Variants in SDSL observed in about 807,000 individuals in gnomAD.
SDSL encodes the protein serine dehydratase like.
Under a neutral mutation model 27.6 loss-of-function variants are expected in SDSL, and 26 were observed. That is an observed-to-expected ratio of 0.94 (90% CI 0.69 to 1.31). The LOEUF (loss-of-function observed/expected upper bound fraction) is 1.31. Ranked by LOEUF, SDSL falls within the 50% of genes most tolerant of loss-of-function variation. SDSL has a pLI of 0.00. For missense variants in SDSL, 431 were observed against 423.5 expected (o/e 1.02, Z -0.16); for synonymous variants, 196 against 180.6 (o/e 1.09, Z -0.69).
At chr12:113,432,256 CTTTCTTTCT>C (rs1225617843) in intron 4 of SDSL, among the ~76,000 whole-genome samples, 3 of 140,542 alleles carry the variant, frequency 2.1e-5, no homozygotes, top group African/African-American at 8.3e-5. Context: ...TTCTTTCTTT[CTTTCTTTCT>C]TTCTTTCTTT....
Position 113,434,126 on chromosome 12 carries a change from C to A in SDSL, c.355-8C>A, listed in dbSNP as rs1273353752. 3.1e-6 allele frequency: 5 copies of A among 1,612,210 alleles called. No individual in the cohort carries two copies. The highest frequency in any genetic ancestry group is 4.2e-6 in the Non-Finnish European group (5 of 1,179,020). On this transcript the variant is annotated splice_region_variant and splice_polypyrimidine_tract_variant and intron_variant, in intron 4 of 7. Coordinates refer to ENST00000403593, the MANE Select transcript of SDSL (RefSeq NM_001304993.2). Reference sequence around the variant, plus strand: ...CGGCTGTTCTGAGGGCCCTTGGTTTCTCTGTAGGTCTGGGACGAGGCCAAT... The same window carrying A: ...CGGCTGTTCTGAGGGCCCTTGGTTTATCTGTAGGTCTGGGACGAGGCCAAT...
chr12:113,437,822 C>T, intron 7 of SDSL, 64 bp from the exon 8 acceptor site: 1 of 1,422,100 alleles, frequency 7.0e-7, no homozygotes, highest in Admixed American at 2.2e-5. Context: ...GTGCCCAGGG[C>T]CTGCTGAGCA....
intron 6 of SDSL, 129 bp downstream of exon 6, chr12:113,435,685 C>T (rs1957982962): frequency 5.9e-6 from 4 of 682,796 alleles, no homozygotes; most frequent in South Asian, 4.2e-5. Context: ...ACTCCAACCA[C>T]AGTAAAGTGG....
Position 113,428,066 on chromosome 12 carries a change from G to C in SDSL, c.84G>C (p.Gln28His). The C allele has an allele frequency of 6.2e-7, 1 of 1,614,020 alleles. No individual in the cohort carries two copies. The highest frequency in any genetic ancestry group is 8.5e-7 in the Non-Finnish European group (1 of 1,179,988). ...TPLLESWALS[Q>H]VAGMPVFLKC... is the part of the protein sequence containing the mutation. ...TGTTGGAGAGCTGGGCGCTGTCCCA[G>C]GTGGCGGGCATGCCTGTCTTCCTCA... Residue 28 changes from glutamine to histidine, a missense_variant, in exon 2 of 8, where the codon CAG becomes CAC. Coordinates refer to ENST00000403593, the MANE Select transcript of SDSL (RefSeq NM_001304993.2).
Position 113,438,192 on chromosome 12 carries a change from G to A in SDSL, c.*113G>A. 1.1e-6 allele frequency: 1 copy of A among 931,448 alleles called. No individual in the cohort carries two copies. The highest frequency in any genetic ancestry group is 1.6e-6 in the Non-Finnish European group (1 of 623,246). 57.7% of individuals were successfully genotyped at this position (931,448 alleles called of 1,614,324 possible). A position where few individuals can be genotyped will look rare whatever the true frequency, so the allele number is the denominator to read the frequency against. ...AGTGGAAGCTGCCCTGTGCAACTGT[G>A]CTGGCTGCCTCCTGAAGGAAGCCCT... On this transcript the variant is annotated 3_prime_UTR_variant, in exon 8 of 8. Coordinates refer to ENST00000403593, the MANE Select transcript of SDSL (RefSeq NM_001304993.2).
chr12:113,425,817 G>C (rs1047809757), intron 1 of SDSL: 2 of 427,658 alleles, frequency 4.7e-6, no homozygotes, highest in Admixed American at 5.7e-5. Flanking sequence ...GTGAAACCCC[G>C]TCTCTACAAA....
At chr12:113,431,613 G>A (rs143240175) in intron 4 of SDSL, among the ~76,000 whole-genome samples, 1,705 of 149,198 alleles carry the variant, frequency 0.011, 44 homozygotes, top group African/African-American at 0.039. Context: ...TTATTCTGTC[G>A]CCCAGGCTGG....
chr12:113,428,297 T>C, intron 2 of SDSL, 123 bp from the exon 3 acceptor site: 1 of 1,305,142 alleles, frequency 7.7e-7, no homozygotes, highest in Non-Finnish European at 1.1e-6. Flanking sequence ...AGGGCAGGGC[T>C]GTGGGCAGGA....
chr12:113,433,029 C>A (rs186181416), intron 4 of SDSL, among the ~76,000 whole-genome samples: 1 of 152,166 alleles, frequency 6.6e-6, no homozygotes, highest in Non-Finnish European at 1.5e-5. Flanking sequence ...TGGGTAGATA[C>A]TCAGTAATGG....
At chr12:113,425,764 G>A (rs1957841308) in intron 1 of SDSL, 1 of 454,874 alleles carries the variant, frequency 2.2e-6, no homozygotes, top group South Asian at 1.6e-5. Context: ...AGGCCGAGGT[G>A]GGCAGATCAC....
chr12:113,427,298 A>G (rs1316712840), intron 1 of SDSL: 1 of 152,458 alleles, frequency 6.6e-6, no homozygotes, highest in Non-Finnish European at 1.5e-5. Context: ...TTTAGTAGAG[A>G]CAGGGTTTTA....
rs1396568339 is a variant in SDSL, at chr12:113,432,278, TTCTTTCTTTCTTTC to T, written c.355-1852_355-1839del. On this transcript the variant is annotated intron_variant, in intron 4 of 7. Coordinates refer to ENST00000403593, the MANE Select transcript of SDSL (RefSeq NM_001304993.2). ...TTTCTTTCTTTCTTTCTTTCTTTCT[TTCTTTCTTTCTTTC>T]TCTCTCTCTCTTTCTGTCTCTCTGT... Among the ~76,000 whole-genome samples, 85 of 73,626 alleles carry T rather than the reference TTCTTTCTTTCTTTC, an allele frequency of 1.2e-3. 2 individuals carry two copies. The highest frequency in any genetic ancestry group is 1.9e-3 in the South Asian group (4 of 2,124). The allele number at this position is 73,626 out of a possible 152,430, so 48.3% of individuals were successfully genotyped here.
intron 4 of SDSL, 98 bp downstream of exon 4, chr12:113,429,397 CT>C: frequency 7.5e-7 from 1 of 1,336,864 alleles, no homozygotes; most frequent in Non-Finnish European, 1.0e-6. Flanking sequence ...TTTCGATGAG[CT>C]GTGGCTGGGA....
Position 113,428,074 on chromosome 12 carries a change from G to A in SDSL, c.92G>A (p.Gly31Asp). The A allele has an allele frequency of 6.2e-7, 1 of 1,613,986 alleles. No individual in the cohort carries two copies. The highest frequency in any genetic ancestry group is 8.5e-7 in the Non-Finnish European group (1 of 1,179,974). Residue 31 changes from glycine to aspartate, a missense_variant, in exon 2 of 8, where the codon GGC becomes GAC. Physicochemically the swap from Gly to Asp is moderately conservative, Grantham distance 94 (BLOSUM62 -1). Transcript: ENST00000403593. ...LESWALSQVA[G>D]MPVFLKCENV... ...AGCTGGGCGCTGTCCCAGGTGGCGG[G>A]CATGCCTGTCTTCCTCAAGTGTGAG...
At position 113,434,233 on chromosome 12, in the gene SDSL, C is replaced by T. The variant is rs763092896; in HGVS notation, c.443+11C>T. On this transcript the variant is annotated intron_variant, in intron 5 of 7. Transcript: ENST00000403593. ...CCACCCCCTAATATGGTAAGGCTGA[C>T]GCCCCTCTCCCCAGGAGTCCAGAGC... 43 of 1,591,420 alleles carry T rather than the reference C, an allele frequency of 2.7e-5. No homozygotes were observed. The highest frequency in any genetic ancestry group is 7.9e-5 in the South Asian group (7 of 88,194).
At chr12:113,426,226 T>A (rs1171700839) in intron 1 of SDSL, 2 of 455,874 alleles carry the variant, frequency 4.4e-6, no homozygotes, top group African/African-American at 4.0e-5. Flanking sequence ...TCCTGGCTGC[T>A]GTTCTCTGTA....
chr12:113,425,952 G>A lies in SDSL; in HGVS notation c.-21-2010G>A, dbSNP rs1277999645. 1.1e-5 allele frequency: 4 copies of A among 369,988 alleles called. No homozygotes were observed. The Admixed American group carries it at 1.3e-4, about 12-fold the overall frequency. The allele number at this position is 369,988 out of a possible 1,614,324, so 22.9% of individuals were successfully genotyped here. A position where few individuals can be genotyped will look rare whatever the true frequency, so the allele number is the denominator to read the frequency against. ...TGCAGTGAGCAGAGATTGCACCACT[G>A]CACTCCAGCCTGGGCAAGAGCGAGA... On this transcript the variant is annotated intron_variant, in intron 1 of 7. Coordinates refer to ENST00000403593, the MANE Select transcript of SDSL (RefSeq NM_001304993.2).
chr12:113,436,648 C>T (rs1291350037), intron 6 of SDSL, 103 bp from the exon 7 acceptor site: 1 of 1,231,732 alleles, frequency 8.1e-7, no homozygotes, highest in African/African-American at 1.5e-5. Context: ...CCAACCAGCC[C>T]ATGGCAGGAT....
intron 4 of SDSL, among the ~76,000 whole-genome samples, chr12:113,432,216 CTTTCTTTCTTTCTT>C (rs1957931421): frequency 5.9e-4 from 1 of 1,694 alleles, no homozygotes; most frequent in Non-Finnish European, 1.4e-3. Context: ...TTGCTTCTTT[CTTTCTTTCTTTCTT>C]TCTTTCTTTC....
Sources: gnomAD v4.1 joint callset for allele counts (sites outside exome capture counted in the v4.1 genomes callset) on GRCh38, gnomAD v4.1.1 for gene constraint, MANE v1.5 for transcripts, NCBI Gene and HGNC (gene_info 2026-07-23, HGNC 2026-07-21) for gene names.